The following FHIT variants were observed in gnomAD, a reference collection of about 807,000 sequenced individuals.
FHIT encodes bis(5'-adenosyl)-triphosphatase.
FHIT carries 19 observed loss-of-function variants against 17.9 expected under a neutral mutation model. The ratio of observed to expected loss-of-function variants is 1.06; its 90% CI spans 0.74 to 1.56. The LOEUF is 1.56. Among genes scored for constraint, FHIT ranks in the 40% most tolerant of loss-of-function variants. FHIT has a pLI of 0.00. For missense variants in FHIT, 248 were observed against 189.2 expected (o/e 1.31, Z -1.82); for synonymous variants, 81 against 69.7 (o/e 1.16, Z -0.81).
At chr3:61,136,394 G>A (rs192413501) in intron 2 of FHIT, among the ~76,000 whole-genome samples, 47 of 152,248 alleles carry the variant, frequency 3.1e-4, no homozygotes, top group African/African-American at 1.1e-3. Context: ...TTTGGAACCT[G>A]TTTATGGTTA....
chr3:59,926,938 G>T (rs1333404213), intron 7 of FHIT, among the ~76,000 whole-genome samples: 1 of 152,128 alleles, frequency 6.6e-6, no homozygotes, highest in East Asian at 1.9e-4. Flanking sequence ...GTTGAACATG[G>T]AGTTACCTTG....
intron 2 of FHIT, among the ~76,000 whole-genome samples, chr3:61,047,186 C>A (rs566899536): frequency 2.7e-4 from 41 of 152,206 alleles, no homozygotes; most frequent in African/African-American, 9.6e-4. Context: ...AGAGTAAGTC[C>A]AATTGTTGCT....
At chr3:59,801,306 T>A (rs1391178453) in intron 8 of FHIT, among the ~76,000 whole-genome samples, 2 of 149,262 alleles carry the variant, frequency 1.3e-5, no homozygotes, top group East Asian at 3.8e-4. Context: ...TAGGCTTAAA[T>A]GCTTTCATTT....
At chr3:59,893,174 T>C (rs1326563920) in intron 8 of FHIT, among the ~76,000 whole-genome samples, 1 of 152,218 alleles carries the variant, frequency 6.6e-6, no homozygotes, top group Admixed American at 6.5e-5. Flanking sequence ...TTGATGCTTA[T>C]AGGACATCCA....
At chr3:60,442,371 G>A (rs1249816151) in intron 5 of FHIT, among the ~76,000 whole-genome samples, 3 of 152,100 alleles carry the variant, frequency 2.0e-5, no homozygotes, top group African/African-American at 7.2e-5. Context: ...GAATGGTATT[G>A]CCTAGGTTTT....
At chr3:60,155,314 A>G (rs1182177333) in intron 5 of FHIT, among the ~76,000 whole-genome samples, 4 of 152,084 alleles carry the variant, frequency 2.6e-5, no homozygotes, top group Non-Finnish European at 5.9e-5. Flanking sequence ...TGAACCCTGA[A>G]TTGCTCCACC....
At chr3:60,283,627 C>G (rs1206097169) in intron 5 of FHIT, among the ~76,000 whole-genome samples, 5 of 152,018 alleles carry the variant, frequency 3.3e-5, no homozygotes, top group Admixed American at 6.6e-5. Flanking sequence ...TTCTTCTACT[C>G]TACATGTAAA....
chr3:60,218,169 G>GTATAAA (rs1703786323), intron 5 of FHIT, among the ~76,000 whole-genome samples: 1 of 152,036 alleles, frequency 6.6e-6, no homozygotes, highest in Admixed American at 6.6e-5. Flanking sequence ...TTTTTTAGGA[G>GTATAAA]TATAAAGGGA....
chr3:59,809,431 G>A (rs1700328227), intron 8 of FHIT, among the ~76,000 whole-genome samples: 2 of 152,210 alleles, frequency 1.3e-5, no homozygotes, highest in African/African-American at 4.8e-5. Flanking sequence ...TGGACATCCA[G>A]CATCTTGAAC....
At chr3:60,876,678 C>A (rs1363524641) in intron 3 of FHIT, among the ~76,000 whole-genome samples, 5 of 152,148 alleles carry the variant, frequency 3.3e-5, no homozygotes, top group African/African-American at 4.8e-5. Flanking sequence ...CACAAGATAA[C>A]CTGAGTTGCT....
In FHIT at chr3:60,505,662, T is replaced by C. The variant is rs181137437; in HGVS notation, c.103+31198A>G. Among the ~76,000 whole-genome samples the C allele has an allele frequency of 1.7e-3, 265 of 152,334 alleles. 3 individuals carry two copies. Among genetic ancestry groups the C allele is most frequent in the Middle Eastern group, 6.8e-3 (2 of 294 alleles). On this transcript the variant is annotated intron_variant, in intron 5 of 9. Transcript: ENST00000492590. ...TCAGACTATGAATTGGGAATACATA[T>C]TATTTGGGCTCTGTTTTTGATTGCT...
intron 5 of FHIT, among the ~76,000 whole-genome samples, chr3:60,124,065 G>GAGAGAGAGAGAGAGAGAGAC (rs1553691058): frequency 5.5e-5 from 6 of 108,288 alleles, no homozygotes; most frequent in African/African-American, 2.3e-4. Context: ...GACAGAGAGA[G>GAGAGAGAGAGAGAGAGAGAC]AGAGAGATAC....
intron 8 of FHIT, among the ~76,000 whole-genome samples, chr3:59,849,209 T>C (rs372677935): frequency 1.3e-5 from 2 of 151,960 alleles, no homozygotes; most frequent in African/African-American, 4.8e-5. Flanking sequence ...CATGGCTCCA[T>C]TAAAAATACA....
intron 4 of FHIT, among the ~76,000 whole-genome samples, chr3:60,735,627 A>G (rs2042118626): frequency 6.6e-6 from 1 of 152,324 alleles, no homozygotes; most frequent in East Asian, 1.9e-4. Context: ...CGTGAGACCA[A>G]CCCAATGGAA....
At chr3:60,613,431 C>T (rs1553674470) in intron 4 of FHIT, among the ~76,000 whole-genome samples, 4 of 152,024 alleles carry the variant, frequency 2.6e-5, no homozygotes, top group African/African-American at 4.8e-5. Flanking sequence ...AGAGTGGAGT[C>T]CAAAAGCACA....
intron 8 of FHIT, among the ~76,000 whole-genome samples, chr3:59,857,085 G>C (rs1198170710): frequency 1.3e-5 from 2 of 152,190 alleles, no homozygotes; most frequent in African/African-American, 4.8e-5. Context: ...ATTACCAGCT[G>C]CTATCGGGGA....
At chr3:60,535,864 T>G (rs2035963738) in intron 5 of FHIT, 1 of 151,798 alleles carries the variant, frequency 6.6e-6, no homozygotes, top group Non-Finnish European at 1.5e-5. Flanking sequence ...AGCTTGTTCA[T>G]AAAGTTCTCA....
intron 3 of FHIT, among the ~76,000 whole-genome samples, chr3:60,848,565 C>G (rs990319782): frequency 6.6e-6 from 1 of 152,114 alleles, no homozygotes; most frequent in Non-Finnish European, 1.5e-5. Context: ...GCTTTGGAGT[C>G]AGACAGATAT....
chr3:60,677,544 T>C (rs1411042374), intron 4 of FHIT, among the ~76,000 whole-genome samples: 3 of 152,172 alleles, frequency 2.0e-5, no homozygotes, highest in East Asian at 1.9e-4. Context: ...CACACACATA[T>C]ACATAAATAA....
Sources: gnomAD v4.1 joint callset for allele counts (sites outside exome capture counted in the v4.1 genomes callset) on GRCh38, gnomAD v4.1.1 for gene constraint, MANE v1.5 for transcripts, NCBI Gene and HGNC (gene_info 2026-07-23, HGNC 2026-07-21) for gene names.